The following SIPA1L1 variants were observed in gnomAD, a reference collection of about 807,000 sequenced individuals.
SIPA1L1 encodes signal-induced proliferation-associated 1-like protein 1.
In SIPA1L1, 26 loss-of-function variants were observed where a neutral mutation model predicts 162.7. The ratio of observed to expected loss-of-function variants is 0.16; its 90% confidence interval spans 0.12 to 0.22. The LOEUF (loss-of-function observed/expected upper bound fraction) is 0.22. SIPA1L1 is among the 10% of genes least tolerant of loss of function. The probability of loss-of-function intolerance (pLI) is 1.00; values close to 1 mark genes in which losing one functional copy is unlikely to be tolerated. For missense variants in SIPA1L1, 1,874 were observed against 2,241.0 expected, an observed-to-expected ratio of 0.84 and a Z score of 3.31; for synonymous variants, 829 against 837.4, an observed-to-expected ratio of 0.99 and a Z score of 0.17.
At chr14:71,524,159 A>G (rs763788279) in intron 3 of SIPA1L1, among the ~76,000 whole-genome samples, 44 of 152,220 alleles carry the variant, frequency 2.9e-4, no homozygotes, top group African/African-American at 7.0e-4. Flanking sequence ...GTTAAAAACT[A>G]TGATTTCATA....
intron 5 of SIPA1L1, among the ~76,000 whole-genome samples, chr14:71,598,696 A>C (rs1464205993): frequency 6.6e-6 from 1 of 152,118 alleles, no homozygotes; most frequent in Non-Finnish European, 1.5e-5. Context: ...AACACTGGTG[A>C]AATTCGAATA....
intron 4 of SIPA1L1, 123 bp downstream of exon 4, chr14:71,529,493 CAA>C (rs1047264144): frequency 7.8e-6 from 4 of 513,586 alleles, no homozygotes; most frequent in African/African-American, 3.8e-5. Context: ...CTACTTTTCT[CAA>C]AGAGATGAAG....
chr14:71,373,389 G>A (rs910352687), intron 2 of SIPA1L1, among the ~76,000 whole-genome samples: 3 of 151,684 alleles, frequency 2.0e-5, no homozygotes, highest in African/African-American at 4.8e-5. Context: ...TTGGGAGGCC[G>A]AGGTGGGCGG....
intron 14 of SIPA1L1, among the ~76,000 whole-genome samples, chr14:71,700,721 A>G (rs2082020615): frequency 6.6e-6 from 1 of 152,256 alleles, no homozygotes; most frequent in South Asian, 2.1e-4. Context: ...ATTGGCTGGT[A>G]CGGTGGCTGT....
At chr14:71,604,760 C>T (rs1446436898) in intron 5 of SIPA1L1, among the ~76,000 whole-genome samples, 2 of 151,964 alleles carry the variant, frequency 1.3e-5, no homozygotes, top group Non-Finnish European at 2.9e-5. Context: ...GCTTAGAATC[C>T]ACTGTTAGTC....
intron 4 of SIPA1L1, among the ~76,000 whole-genome samples, chr14:71,536,136 A>C (rs1038422432): frequency 2.0e-5 from 3 of 152,102 alleles, no homozygotes; most frequent in African/African-American, 7.2e-5. Flanking sequence ...AAAAAAAAAA[A>C]AAGAGTCTGG....
chr14:71,533,435 C>T (rs1472639385), intron 4 of SIPA1L1, among the ~76,000 whole-genome samples: 2 of 152,180 alleles, frequency 1.3e-5, no homozygotes, highest in East Asian at 1.9e-4. Flanking sequence ...CAGATTTATT[C>T]ATTCAGCAGC....
At chr14:71,386,808 C>T (rs72728459) in intron 2 of SIPA1L1, among the ~76,000 whole-genome samples, 21,963 of 152,120 alleles carry the variant, frequency 0.14, 1,680 homozygotes, top group East Asian at 0.27. Flanking sequence ...TTTAGACAGA[C>T]CAAGTTGATC....
intron 6 of SIPA1L1, among the ~76,000 whole-genome samples, chr14:71,622,397 A>T (rs2039544075): frequency 6.6e-6 from 1 of 152,172 alleles, no homozygotes; most frequent in Non-Finnish European, 1.5e-5. Flanking sequence ...AGTGATTCGG[A>T]TGTAAAAAAT....
intron 2 of SIPA1L1, among the ~76,000 whole-genome samples, chr14:71,410,474 T>C (rs1467813088): frequency 2.0e-5 from 3 of 152,312 alleles, no homozygotes; most frequent in Admixed American, 6.5e-5. Flanking sequence ...GTTAAACATA[T>C]GGGTTGAGTT....
intron 4 of SIPA1L1, among the ~76,000 whole-genome samples, chr14:71,569,846 AC>A (rs1160147199): frequency 1.3e-5 from 2 of 152,164 alleles, no homozygotes; most frequent in Non-Finnish European, 2.9e-5. Flanking sequence ...TGCTTCTGCC[AC>A]CACCTTCCAT....
At chr14:71,732,365 G>A (rs2084872231) in intron 20 of SIPA1L1, among the ~76,000 whole-genome samples, 1 of 152,070 alleles carries the variant, frequency 6.6e-6, no homozygotes, top group South Asian at 2.1e-4. Context: ...ACCTTCCAAG[G>A]GTGCTCCTTC....
chr14:71,650,009 T>C (rs975621653), intron 7 of SIPA1L1, among the ~76,000 whole-genome samples: 3 of 152,236 alleles, frequency 2.0e-5, no homozygotes, highest in Non-Finnish European at 2.9e-5. Flanking sequence ...TTGCCTTTAG[T>C]TACCAGGATT....
At chr14:71,738,124 C>G in intron 22 of SIPA1L1, 117 bp from the exon 23 acceptor site, 1 of 518,724 alleles carries the variant, frequency 1.9e-6, no homozygotes, top group Middle Eastern at 4.6e-4. Flanking sequence ...AGTAATTTGA[C>G]ATTGAAAACC....
Position 71,417,369 on chromosome 14 carries a change from G to C in SIPA1L1, c.-464-95374G>C, listed in dbSNP as rs190275949. On this transcript the variant is annotated intron_variant, in intron 2 of 23. Coordinates refer to ENST00000381232, the MANE Select transcript of SIPA1L1 (RefSeq NM_001386936.1). ...GCCTGTAGTCCCAGCTACTCGGGAG[G>C]CTGAGGCAGGAGAATGGCGTGAACC... Among the ~76,000 whole-genome samples, 188 of 148,158 alleles carry C rather than the reference G, an allele frequency of 1.3e-3. No homozygotes were observed. The East Asian group carries it at 0.018, about 14-fold the overall frequency.
chr14:71,577,741 T>TC (rs2033303983), intron 4 of SIPA1L1, among the ~76,000 whole-genome samples: 1 of 144,786 alleles, frequency 6.9e-6, no homozygotes, highest in Non-Finnish European at 1.5e-5. Context: ...TTTTTTTTTT[T>TC]TTTTTTTTTT....
intron 4 of SIPA1L1, among the ~76,000 whole-genome samples, chr14:71,566,783 G>C (rs1280491735): frequency 6.6e-6 from 1 of 152,068 alleles, no homozygotes; most frequent in Non-Finnish European, 1.5e-5. Context: ...TTGGTGATTG[G>C]GAGGCCTTTA....
chr14:71,565,952 T>C (rs982461809), intron 4 of SIPA1L1, among the ~76,000 whole-genome samples: 3 of 152,090 alleles, frequency 2.0e-5, no homozygotes, highest in Non-Finnish European at 4.4e-5. Flanking sequence ...AATTTAACAT[T>C]ATATCTTAAA....
intron 17 of SIPA1L1, among the ~76,000 whole-genome samples, chr14:71,721,516 G>A (rs544741566): frequency 1.3e-5 from 2 of 152,302 alleles, no homozygotes; most frequent in African/African-American, 2.4e-5. Context: ...TGGGCTTTTC[G>A]CTTCAGGGCA....
Sources: gnomAD v4.1 joint callset for allele counts (sites outside exome capture counted in the v4.1 genomes callset) on GRCh38, gnomAD v4.1.1 for gene constraint, MANE v1.5 for transcripts, NCBI Gene and HGNC (gene_info 2026-07-23, HGNC 2026-07-21) for gene names.